Variants in ST6GALNAC3 observed in about 807,000 individuals in gnomAD.
ST6GALNAC3 encodes the protein alpha-N-acetylgalactosaminide alpha-2,6-sialyltransferase 3.
ST6GALNAC3 carries 25 observed loss-of-function variants against 32.7 expected under a neutral mutation model. That is an observed-to-expected ratio of 0.76 (90% CI 0.56 to 1.07). The LOEUF (loss-of-function observed/expected upper bound fraction) is 1.07, where lower values mean the gene tolerates loss of function less well. Among genes scored for constraint, ST6GALNAC3 ranks in the 50% least tolerant of loss-of-function variants. The pLI is 0.00. For synonymous variants in ST6GALNAC3, 129 were observed against 133.1 expected (o/e 0.97, Z 0.21); for missense variants, 355 against 382.4 (o/e 0.93, Z 0.60).
At chr1:76,397,006 A>C (rs780311658) in intron 2 of ST6GALNAC3, among the ~76,000 whole-genome samples, 1 of 152,196 alleles carries the variant, frequency 6.6e-6, no homozygotes, top group Non-Finnish European at 1.5e-5. Flanking sequence ...AGCAGTAAAA[A>C]TACTGTGGGC....
intron 2 of ST6GALNAC3, among the ~76,000 whole-genome samples, chr1:76,410,456 C>G (rs1263030161): frequency 6.6e-6 from 1 of 152,102 alleles, no homozygotes; most frequent in East Asian, 1.9e-4. Flanking sequence ...CACACACGTG[C>G]ACACACATAC....
intron 3 of ST6GALNAC3, among the ~76,000 whole-genome samples, chr1:76,594,913 C>G (rs1443519087): frequency 1.3e-5 from 2 of 152,158 alleles, no homozygotes; most frequent in Non-Finnish European, 2.9e-5. Context: ...ATCCCACATC[C>G]TGTTTTCCCT....
chr1:76,193,688 C>G (rs1212305812), intron 1 of ST6GALNAC3, among the ~76,000 whole-genome samples: 1 of 152,132 alleles, frequency 6.6e-6, no homozygotes, highest in African/African-American at 2.4e-5. Context: ...CTTACTGATC[C>G]TCTGTCTTAG....
At chr1:76,322,966 G>C (rs190389519) in intron 2 of ST6GALNAC3, among the ~76,000 whole-genome samples, 1 of 151,922 alleles carries the variant, frequency 6.6e-6, no homozygotes, top group Admixed American at 6.6e-5. Context: ...TCAGCCTCCC[G>C]AGTAGCTGGG....
chr1:76,431,654 G>A (rs1332901850), intron 3 of ST6GALNAC3, among the ~76,000 whole-genome samples: 1 of 152,146 alleles, frequency 6.6e-6, no homozygotes, highest in Non-Finnish European at 1.5e-5. Flanking sequence ...TGGAACATGG[G>A]AATAGAACAA....
At chr1:76,507,456 C>G (rs889442257) in intron 3 of ST6GALNAC3, among the ~76,000 whole-genome samples, 1 of 152,194 alleles carries the variant, frequency 6.6e-6, no homozygotes, top group Non-Finnish European at 1.5e-5. Flanking sequence ...CCAACACTTG[C>G]TGGGCCCTTG....
intron 3 of ST6GALNAC3, among the ~76,000 whole-genome samples, chr1:76,523,995 T>C (rs184125866): frequency 3.3e-4 from 50 of 152,162 alleles, no homozygotes; most frequent in Admixed American, 6.6e-4. Context: ...ACCTGTCCAA[T>C]AGCCTTCCTT....
intron 1 of ST6GALNAC3, among the ~76,000 whole-genome samples, chr1:76,183,870 A>ATATATATATATATATG (rs1553163054): frequency 2.0e-5 from 3 of 146,622 alleles, no homozygotes; most frequent in Middle Eastern, 3.6e-3. Context: ...ATATATATAT[A>ATATATATATATATATG]TATGTATGTT....
intron 1 of ST6GALNAC3, among the ~76,000 whole-genome samples, chr1:76,241,029 C>T (rs760963718): frequency 2.0e-5 from 3 of 152,160 alleles, no homozygotes; most frequent in Non-Finnish European, 4.4e-5. Context: ...ATCTCTGTGA[C>T]TTAGTTGAGC....
At chr1:76,107,167 A>C (rs980868277) in intron 1 of ST6GALNAC3, among the ~76,000 whole-genome samples, 33 of 152,226 alleles carry the variant, frequency 2.2e-4, no homozygotes, top group African/African-American at 7.5e-4. Context: ...AGTCTGGAGC[A>C]AACTCAGCCC....
chr1:76,487,767 C>A (rs1310550818), intron 3 of ST6GALNAC3, among the ~76,000 whole-genome samples: 1 of 152,112 alleles, frequency 6.6e-6, no homozygotes, highest in African/African-American at 2.4e-5. Flanking sequence ...CGTTGGCTGG[C>A]GAGGAGCTGT....
At chr1:76,377,490 T>C (rs1651331039) in intron 2 of ST6GALNAC3, among the ~76,000 whole-genome samples, 1 of 151,688 alleles carries the variant, frequency 6.6e-6, no homozygotes, top group Non-Finnish European at 1.5e-5. Context: ...GGGAAAGTGC[T>C]ACATACTTCC....
chr1:76,198,504 G>T (rs1204334549), intron 1 of ST6GALNAC3, among the ~76,000 whole-genome samples: 1 of 152,196 alleles, frequency 6.6e-6, no homozygotes, highest in Non-Finnish European at 1.5e-5. Context: ...TTGCAGCTTG[G>T]ATGTATCTAA....
At chr1:76,193,476 G>C (rs1459306011) in intron 1 of ST6GALNAC3, among the ~76,000 whole-genome samples, 1 of 151,850 alleles carries the variant, frequency 6.6e-6, no homozygotes. Flanking sequence ...ACATAACTAC[G>C]GTATATTTAT....
intron 1 of ST6GALNAC3, among the ~76,000 whole-genome samples, chr1:76,288,550 C>T (rs149850718): frequency 3.9e-5 from 6 of 152,304 alleles, no homozygotes; most frequent in African/African-American, 1.2e-4. Context: ...TCAACCCTTA[C>T]TGCAAAGAAG....
intron 3 of ST6GALNAC3, among the ~76,000 whole-genome samples, chr1:76,571,700 G>A (rs1376712016): frequency 1.3e-5 from 2 of 151,968 alleles, no homozygotes; most frequent in Admixed American, 6.6e-5. Flanking sequence ...GCTGTTCTTT[G>A]CTTATCATAT....
At chr1:76,304,933 G>T (rs1039777961) in intron 1 of ST6GALNAC3, among the ~76,000 whole-genome samples, 4 of 151,950 alleles carry the variant, frequency 2.6e-5, no homozygotes, top group Non-Finnish European at 5.9e-5. Flanking sequence ...GCAGAGGTTC[G>T]CAGAAGCCAC....
chr1:76,098,193 G>C lies in ST6GALNAC3; in HGVS notation c.18+23309G>C, dbSNP rs563270705. The stretch of plus-strand genomic sequence containing the variant: ...TATTCACTTGCGTTTCTATGGACGG[G>C]AAGAATTTGTATCATTATCAGTTTT... On this transcript the variant is annotated intron_variant, in intron 1 of 4. Coordinates refer to ENST00000328299, the MANE Select transcript of ST6GALNAC3 (RefSeq NM_152996.4). Among the ~76,000 whole-genome samples, 5 of 152,314 alleles carry C rather than the reference G, an allele frequency of 3.3e-5. No homozygotes were observed. The East Asian group carries it at 7.7e-4, about 24-fold the overall frequency.
At chr1:76,507,284 G>T (rs1028051582) in intron 3 of ST6GALNAC3, among the ~76,000 whole-genome samples, 1 of 151,950 alleles carries the variant, frequency 6.6e-6, no homozygotes, top group South Asian at 2.1e-4. Context: ...AGCTTTATTA[G>T]GATATAATTC....
Sources: allele counts gnomAD v4.1 joint callset (sites outside exome capture counted in the v4.1 genomes callset), GRCh38; gene constraint gnomAD v4.1.1; transcripts MANE v1.5; gene names NCBI Gene and HGNC (gene_info 2026-07-23, HGNC 2026-07-21).